The following MACROD2 variants were observed in gnomAD, a reference collection of about 807,000 sequenced individuals.
MACROD2 encodes mono-ADP ribosylhydrolase 2.
MACROD2 carries 36 observed loss-of-function variants against 70.4 expected under a neutral mutation model. The observed-to-expected ratio is 0.51, with a 90% CI of 0.39 to 0.68. The LOEUF (loss-of-function observed/expected upper bound fraction) is 0.68. MACROD2 is among the 30% of genes least tolerant of loss of function. MACROD2 has a pLI of 0.00. For missense variants in MACROD2, 496 were observed against 538.4 expected, an observed-to-expected ratio of 0.92 and a Z score of 0.78; for synonymous variants, 172 against 178.8, an observed-to-expected ratio of 0.96 and a Z score of 0.30.
chr20:14,073,316 CAG>C (rs1024094035), intron 2 of MACROD2, among the ~76,000 whole-genome samples: 4 of 150,524 alleles, frequency 2.7e-5, no homozygotes, highest in African/African-American at 9.8e-5. Flanking sequence ...AGTCTGGTGA[CAG>C]AGTGAGACTC....
intron 6 of MACROD2, among the ~76,000 whole-genome samples, chr20:15,402,673 G>C (rs551323891): frequency 6.6e-6 from 1 of 152,320 alleles, no homozygotes; most frequent in South Asian, 2.1e-4. Context: ...TTTAGGAAAT[G>C]GGGCAAGAGC....
At chr20:15,055,906 C>T (rs778020118) in intron 5 of MACROD2, among the ~76,000 whole-genome samples, 47 of 151,822 alleles carry the variant, frequency 3.1e-4, no homozygotes, top group Non-Finnish European at 5.7e-4. Flanking sequence ...CCTGCCTCAG[C>T]CTCCCGAGTA....
chr20:14,622,930 T>G (rs1983912060), intron 4 of MACROD2: 1 of 152,216 alleles, frequency 6.6e-6, no homozygotes, highest in South Asian at 2.1e-4. Context: ...TTTCCCCACC[T>G]ACTGGAAGTG....
At chr20:15,311,123 A>C (rs890815550) in intron 6 of MACROD2, among the ~76,000 whole-genome samples, 1 of 152,210 alleles carries the variant, frequency 6.6e-6, no homozygotes, top group African/African-American at 2.4e-5. Context: ...GTGGTAAATA[A>C]AATCTATATT....
intron 5 of MACROD2, among the ~76,000 whole-genome samples, chr20:14,775,980 A>G (rs182737046): frequency 7.2e-5 from 11 of 152,152 alleles, no homozygotes; most frequent in African/African-American, 1.2e-4. Flanking sequence ...CTTAGTCACA[A>G]CAAGTCCCTG....
intron 6 of MACROD2, among the ~76,000 whole-genome samples, chr20:15,386,463 G>A (rs2045714216): frequency 6.6e-6 from 1 of 152,170 alleles, no homozygotes; most frequent in Non-Finnish European, 1.5e-5. Context: ...ACTTCTAGCA[G>A]TAAAACTTTA....
intron 11 of MACROD2, among the ~76,000 whole-genome samples, chr20:15,935,187 G>A (rs2065640501): frequency 1.3e-5 from 2 of 152,170 alleles, no homozygotes; most frequent in African/African-American, 2.4e-5. Context: ...TTGCCTGTGA[G>A]GAGGGAGTGG....
At chr20:14,916,048 A>G (rs2074087438) in intron 5 of MACROD2, among the ~76,000 whole-genome samples, 2 of 152,182 alleles carry the variant, frequency 1.3e-5, no homozygotes, top group African/African-American at 4.8e-5. Flanking sequence ...GGCATTGTTT[A>G]TTCTCACAGA....
chr20:15,642,923 G>T (rs1403312698), intron 8 of MACROD2, among the ~76,000 whole-genome samples: 3 of 152,126 alleles, frequency 2.0e-5, no homozygotes, highest in Non-Finnish European at 4.4e-5. Flanking sequence ...TGCCTCAGGA[G>T]ACTTCCTGTT....
intron 5 of MACROD2, among the ~76,000 whole-genome samples, chr20:14,751,411 C>T (rs2071868530): frequency 6.6e-6 from 1 of 152,078 alleles, no homozygotes; most frequent in East Asian, 1.9e-4. Flanking sequence ...TGTGCTTCTT[C>T]CATTACTCTG....
chr20:15,735,659 G>A (rs903730442), intron 8 of MACROD2, among the ~76,000 whole-genome samples: 4 of 152,166 alleles, frequency 2.6e-5, no homozygotes, highest in African/African-American at 9.7e-5. Flanking sequence ...TCTACTTTTT[G>A]TATTGGCAGG....
intron 3 of MACROD2, among the ~76,000 whole-genome samples, chr20:14,440,414 A>C (rs1169455039): frequency 6.6e-6 from 1 of 152,050 alleles, no homozygotes; most frequent in Non-Finnish European, 1.5e-5. Context: ...TGCGTGGCCC[A>C]AGACAATTCT....
intron 4 of MACROD2, among the ~76,000 whole-genome samples, chr20:14,654,378 C>A (rs1952164168): frequency 6.6e-6 from 1 of 151,594 alleles, no homozygotes; most frequent in South Asian, 2.1e-4. Context: ...GAAACCCAGT[C>A]TCTGCTAAAG....
intron 13 of MACROD2, among the ~76,000 whole-genome samples, chr20:15,973,611 T>A (rs994981241): frequency 6.6e-6 from 1 of 152,132 alleles, no homozygotes; most frequent in African/African-American, 2.4e-5. Context: ...TCAAATAAGA[T>A]GACAGAAACA....
chr20:14,833,289 A>G (rs775145118), intron 5 of MACROD2, among the ~76,000 whole-genome samples: 4 of 152,048 alleles, frequency 2.6e-5, no homozygotes, highest in Admixed American at 1.3e-4. Flanking sequence ...AGGGGCTAAG[A>G]TAGCTGCCAT....
At chr20:14,050,532 G>A (rs961545050) in intron 2 of MACROD2, among the ~76,000 whole-genome samples, 2 of 135,828 alleles carry the variant, frequency 1.5e-5, no homozygotes, top group South Asian at 2.5e-4. Context: ...GAGAAACCCA[G>A]GCCAGTTAGA....
chr20:14,529,982 G>A (rs557146932), intron 4 of MACROD2, among the ~76,000 whole-genome samples: 1 of 152,334 alleles, frequency 6.6e-6, no homozygotes, highest in Admixed American at 6.5e-5. Flanking sequence ...TATTTGGAAG[G>A]TAGAGGCGGA....
chr20:14,581,169 T>G (rs1980991491), intron 4 of MACROD2, among the ~76,000 whole-genome samples: 1 of 152,224 alleles, frequency 6.6e-6, no homozygotes, highest in Non-Finnish European at 1.5e-5. Flanking sequence ...CACTTTGGAT[T>G]ATAGTCCCCA....
At chr20:15,046,548 C>T (rs1232559055) in intron 5 of MACROD2, among the ~76,000 whole-genome samples, 11 of 152,184 alleles carry the variant, frequency 7.2e-5, no homozygotes, top group Non-Finnish European at 1.5e-4. Context: ...TATGTGTGCG[C>T]ACACACACAT....
Sources: gnomAD v4.1 joint callset for allele counts (sites outside exome capture counted in the v4.1 genomes callset) on GRCh38, gnomAD v4.1.1 for gene constraint, MANE v1.5 for transcripts, NCBI Gene and HGNC (gene_info 2026-07-23, HGNC 2026-07-21) for gene names.